Variants in SLC2A9 observed in about 807,000 individuals in gnomAD.
SLC2A9 encodes solute carrier family 2, facilitated glucose transporter member 9.
Under a neutral mutation model 50.6 loss-of-function variants are expected in SLC2A9, and 39 were observed. The observed-to-expected ratio is 0.77, with a 90% confidence interval of 0.60 to 1.01. The LOEUF (loss-of-function observed/expected upper bound fraction) is 1.01. Among genes scored for constraint, SLC2A9 ranks in the 50% least tolerant of loss-of-function variants. The pLI is 0.00. For missense variants in SLC2A9, 686 were observed against 677.6 expected, an observed-to-expected ratio of 1.01 and a Z score of -0.14; for synonymous variants, 324 against 276.9, an observed-to-expected ratio of 1.17 and a Z score of -1.69.
intron 10 of SLC2A9, among the ~76,000 whole-genome samples, chr4:9,880,941 C>T (rs1334297686): frequency 1.3e-5 from 2 of 152,146 alleles, no homozygotes; most frequent in Non-Finnish European, 2.9e-5. Flanking sequence ...TGCACACAGA[C>T]TCCCCAACAG....
intron 1 of SLC2A9, among the ~76,000 whole-genome samples, chr4:9,773,788 T>G (rs1208320787): frequency 1.3e-5 from 2 of 152,138 alleles, no homozygotes; most frequent in African/African-American, 2.4e-5. Flanking sequence ...GCTCAACTCT[T>G]TGTGGGAAAG....
At chr4:9,875,945 G>A (rs1734250833) in intron 10 of SLC2A9, among the ~76,000 whole-genome samples, 1 of 152,194 alleles carries the variant, frequency 6.6e-6, no homozygotes, top group Admixed American at 6.5e-5. Flanking sequence ...CAAAGCCATA[G>A]GCAAGAGCAC....
In SLC2A9 at chr4:9,871,348, C is replaced by G. The variant is rs149759142; in HGVS notation, c.1291+16219G>C. 4.4e-3 allele frequency among the ~76,000 whole-genome samples: 672 copies of G among 152,274 alleles called. 3 individuals are homozygous for G. Among genetic ancestry groups the G allele is most frequent in the African/African-American group, 0.015 (636 of 41,554 alleles). On this transcript the variant is annotated intron_variant, in intron 10 of 11. Coordinates refer to ENST00000264784, the MANE Select transcript of SLC2A9 (RefSeq NM_020041.3). ...CCACAAACATGGGGTCTTAGGAGAA[C>G]AGAAATTTATTCTGTCATTGTTCTA... is the stretch of plus-strand genomic sequence containing the variant.
intron 2 of SLC2A9, 22 bp from the exon 3 acceptor site, chr4:9,996,963 T>C (rs376074898): frequency 2.4e-5 from 39 of 1,612,994 alleles, no homozygotes; most frequent in Non-Finnish European, 2.0e-5. Flanking sequence ...CAACAAACCA[T>C]GTTATTTCCT....
chr4:9,810,218 G>A (rs757111962), intron 3 of SLC2A9, among the ~76,000 whole-genome samples: 6 of 151,820 alleles, frequency 4.0e-5, no homozygotes, highest in African/African-American at 9.7e-5. Context: ...GAACATTACC[G>A]AGTGCACAGT....
At chr4:9,871,986 G>C (rs977983172) in intron 10 of SLC2A9, among the ~76,000 whole-genome samples, 1 of 152,140 alleles carries the variant, frequency 6.6e-6, no homozygotes, top group Non-Finnish European at 1.5e-5. Context: ...TGGCTGCTGA[G>C]GAATCATTCA....
At chr4:9,803,857 C>T (rs1315428721) in intron 3 of SLC2A9, among the ~76,000 whole-genome samples, 2 of 152,268 alleles carry the variant, frequency 1.3e-5, no homozygotes, top group African/African-American at 2.4e-5. Flanking sequence ...TAAATACCTC[C>T]TATGTGCTAG....
At chr4:9,802,559 CTTTTTTT>C (rs1238703528) in intron 3 of SLC2A9, among the ~76,000 whole-genome samples, 1 of 127,038 alleles carries the variant, frequency 7.9e-6, no homozygotes, top group Middle Eastern at 4.2e-3. Flanking sequence ...TTGTTCTTTT[CTTTTTTT>C]TTTTTTTTTT....
intron 11 of SLC2A9, among the ~76,000 whole-genome samples, chr4:9,833,572 G>C (rs976989143): frequency 5.9e-5 from 9 of 152,326 alleles, no homozygotes; most frequent in South Asian, 2.1e-4. Flanking sequence ...GTGCGGCACA[G>C]AGCAACTGCT....
intron 10 of SLC2A9, among the ~76,000 whole-genome samples, chr4:9,836,402 C>T (rs1727119600): frequency 6.6e-6 from 1 of 152,038 alleles, no homozygotes; most frequent in Admixed American, 6.6e-5. Context: ...TCTATTTTGG[C>T]AGTGGGTGGA....
In SLC2A9 at chr4:9,826,576, G is replaced by T. The variant is rs918777172; in HGVS notation, c.1444C>A (p.Leu482Ile). 6.2e-7 allele frequency: 1 copy of T among 1,614,006 alleles called. No individual in the cohort carries two copies. Among genetic ancestry groups the T allele is most frequent in the East Asian group, 2.2e-5 (1 of 44,870 alleles). Reference protein sequence around the residue: ...IQKSLDTYCFLVFATICITGA... With the variant: ...IQKSLDTYCFIVFATICITGA... ...GTGATACAAATTGTAGCAAAGACTAGGAAACAGTAGGTGTCCAGACTTTTC... is the reference window on the plus strand; with the variant it reads ...GTGATACAAATTGTAGCAAAGACTATGAAACAGTAGGTGTCCAGACTTTTC... The change falls in exon 12 of 12, where the codon CTA becomes ATA. Residue 482 changes from leucine (L) to isoleucine (I), a missense_variant. Transcript: ENST00000264784.
intron 3 of SLC2A9, 136 bp downstream of exon 3, chr4:9,996,645 T>C (rs1758722176): frequency 2.7e-6 from 3 of 1,107,716 alleles, no homozygotes; most frequent in African/African-American, 1.6e-5. Flanking sequence ...TTTCTTCCCC[T>C]TTCCCCTTTG....
chr4:9,778,058 TTCC>T, downstream of SLC2A9, among the ~76,000 whole-genome samples: 1 of 2,954 alleles, frequency 3.4e-4, no homozygotes, highest in African/African-American at 1.2e-3. Context: ...CTTTCTTTCC[TTCC>T]TTCCTTCCTT....
At chr4:10,011,007 G>A (rs1006041987) in intron 2 of SLC2A9, among the ~76,000 whole-genome samples, 2 of 152,154 alleles carry the variant, frequency 1.3e-5, no homozygotes, top group African/African-American at 4.8e-5. Flanking sequence ...GTGAGTCCCA[G>A]GTCAGGAATC....
At chr4:9,964,467 C>T (rs1752764310) in intron 5 of SLC2A9, among the ~76,000 whole-genome samples, 1 of 152,138 alleles carries the variant, frequency 6.6e-6, no homozygotes. Context: ...GGCCTTCAAC[C>T]CATCTGAACA....
chr4:10,035,998 C>A (rs1036876105), intron 1 of SLC2A9: 2 of 192,642 alleles, frequency 1.0e-5, no homozygotes, highest in East Asian at 1.6e-4. Context: ...TTGGACTGAG[C>A]CGTGCTGCCA....
intron 10 of SLC2A9, among the ~76,000 whole-genome samples, chr4:9,864,943 G>GA (rs1034901373): frequency 4.3e-4 from 66 of 152,386 alleles, no homozygotes; most frequent in African/African-American, 1.6e-3. Context: ...GAAGCCAGGA[G>GA]AAAGGTTGGA....
intron 5 of SLC2A9, among the ~76,000 whole-genome samples, chr4:9,943,679 A>G (rs989217845): frequency 6.6e-6 from 1 of 152,188 alleles, no homozygotes; most frequent in African/African-American, 2.4e-5. Flanking sequence ...GATCAAAAAG[A>G]AAGACCAGGA....
At chr4:9,857,355 G>C (rs1376467841) in intron 10 of SLC2A9, among the ~76,000 whole-genome samples, 2 of 152,196 alleles carry the variant, frequency 1.3e-5, no homozygotes, top group African/African-American at 4.8e-5. Context: ...ACTGAAGATA[G>C]AGCCCGGAAG....
Sources: allele counts gnomAD v4.1 joint callset (sites outside exome capture counted in the v4.1 genomes callset), GRCh38; gene constraint gnomAD v4.1.1; transcripts MANE v1.5; gene names NCBI Gene and HGNC (gene_info 2026-07-23, HGNC 2026-07-21).